The following GNAS variants were observed in gnomAD, a reference collection of about 807,000 sequenced individuals.
GNAS encodes the protein protein ALEX.
In GNAS, 8 loss-of-function variants were observed where a neutral mutation model predicts 54.5. The ratio of observed to expected loss-of-function variants is 0.15; its 90% CI spans 0.09 to 0.26. The LOEUF (loss-of-function observed/expected upper bound fraction) is 0.26, where lower values mean the gene tolerates loss of function less well. Ranked by LOEUF, GNAS falls within the 10% of genes least tolerant of loss-of-function variation. GNAS has a pLI of 1.00. For synonymous variants in GNAS, 204 were observed against 191.4 expected, an observed-to-expected ratio of 1.07 and a Z score of -0.54; for missense variants, 170 against 529.8, an observed-to-expected ratio of 0.32 and a Z score of 6.67.
intron 1 of GNAS, among the ~76,000 whole-genome samples, chr20:58,870,829 C>T (rs757186150): frequency 7.2e-5 from 11 of 152,206 alleles, no homozygotes; most frequent in Non-Finnish European, 1.5e-4. Flanking sequence ...ATGGAACCCA[C>T]ATCCCACACT....
intron 2 of GNAS, chr20:58,898,061 G>C (rs1029711068): frequency 6.6e-6 from 1 of 152,182 alleles, no homozygotes; most frequent in Non-Finnish European, 1.5e-5. Context: ...AAATACAGAG[G>C]TTGGATGCGG....
intron 1 of GNAS, among the ~76,000 whole-genome samples, chr20:58,870,361 C>T (rs1173333836): frequency 6.6e-6 from 1 of 152,230 alleles, no homozygotes; most frequent in African/African-American, 2.4e-5. Context: ...TGAGTGGTGG[C>T]TGAGGGCAGG....
Position 58,898,867 on chromosome 20 carries a change from G to C in GNAS, c.213-74G>C, listed in dbSNP as rs377139552. The C allele has an allele frequency of 1.1e-3, 1,428 of 1,243,686 alleles. 1 individual carries two copies. The highest frequency in any genetic ancestry group is 1.6e-3 in the Non-Finnish European group (1,352 of 841,932). 77.0% of individuals were successfully genotyped at this position (1,243,686 alleles called of 1,614,324 possible). On this transcript the variant is annotated intron_variant, in intron 2 of 12. Transcript: ENST00000371085. ...TCTTGGCTGATGGTTGAGGAATGTAGAGAGACTGTGTGGGGTTTGTGTGAC... is the reference window on the plus strand; with the variant it reads ...TCTTGGCTGATGGTTGAGGAATGTACAGAGACTGTGTGGGGTTTGTGTGAC...
intron 6 of GNAS, among the ~76,000 whole-genome samples, chr20:58,907,739 C>G (rs965147542): frequency 1.3e-5 from 2 of 152,216 alleles, no homozygotes; most frequent in African/African-American, 4.8e-5. Flanking sequence ...AAAAAGAGAA[C>G]AACGCAGCTT....
At chr20:58,902,499 C>G (rs2090705310) in intron 3 of GNAS, among the ~76,000 whole-genome samples, 1 of 152,004 alleles carries the variant, frequency 6.6e-6, no homozygotes, top group African/African-American at 2.4e-5. Context: ...CCATAAAGAC[C>G]ACGCAGGCCA....
In GNAS at chr20:58,909,642, G is replaced by C; in HGVS notation, c.719-42G>C. The C allele has an allele frequency of 6.2e-7, 1 of 1,614,172 alleles. No homozygotes were observed. The highest frequency in any genetic ancestry group is 1.1e-5 in the South Asian group (1 of 91,082). On this transcript the variant is annotated intron_variant, in intron 9 of 12. Coordinates refer to ENST00000371085, the MANE Select transcript of GNAS (RefSeq NM_000516.7). This position sits in a 1 kb window ranked among gnomAD's most constrained non-coding sequence, Gnocchi z 7.3. Reference sequence around the variant, plus strand: ...TTTGCTTCTGTGTTGTTAGGGATCAGGGTCGCTGCTCACGCTCTTGGCTTT... The same window carrying C: ...TTTGCTTCTGTGTTGTTAGGGATCACGGTCGCTGCTCACGCTCTTGGCTTT...
chr20:58,850,453 G>A, intron 1 of GNAS: 1 of 397,802 alleles, frequency 2.5e-6, no homozygotes, highest in Non-Finnish European at 4.4e-6. Context: ...GTGAGCGCGA[G>A]GCCTGACGAA....
chr20:58,850,518 A>G (rs534623373), intron 1 of GNAS: 33 of 398,596 alleles, frequency 8.3e-5, no homozygotes, highest in African/African-American at 6.0e-4. Flanking sequence ...TCCAACCCCA[A>G]TGTCTACTGA....
At chr20:58,893,479 C>T (rs1039881514) in intron 1 of GNAS, among the ~76,000 whole-genome samples, 24 of 152,098 alleles carry the variant, frequency 1.6e-4, no homozygotes, top group Non-Finnish European at 1.5e-4. Context: ...AACAAAACAG[C>T]TTGAGTATAA....
intron 1 of GNAS, chr20:58,876,808 G>T (rs1205843402): frequency 1.3e-5 from 2 of 152,270 alleles, no homozygotes; most frequent in Non-Finnish European, 2.9e-5. Flanking sequence ...TACCATGACA[G>T]TGACTTGTAT....
At chr20:58,900,759 A>C (rs2090533173) in intron 3 of GNAS, among the ~76,000 whole-genome samples, 1 of 152,246 alleles carries the variant, frequency 6.6e-6, no homozygotes, top group African/African-American at 2.4e-5. Flanking sequence ...AAGCAATAGT[A>C]AAAGTGATGA....
chr20:58,839,908 G>C (rs2085655411), upstream of GNAS: 4 of 608,270 alleles, frequency 6.6e-6, no homozygotes, highest in Non-Finnish European at 1.2e-5. Flanking sequence ...AGCAAGGCGC[G>C]GAGCTTTAGA....
upstream of GNAS, among the ~76,000 whole-genome samples, chr20:58,890,377 C>T (rs1030781271): frequency 3.3e-5 from 5 of 151,474 alleles, no homozygotes; most frequent in Non-Finnish European, 7.4e-5. Flanking sequence ...GACACGGACT[C>T]GAGCGACGAG....
chr20:58,854,182 G>A lies in GNAS; in HGVS notation c.43+13296G>A. On this transcript the variant is annotated intron_variant, in intron 1 of 12. Transcript: ENST00000306090. ...AGCAGCCCCTGGATGGAGATCTCCGGACCCCCGTTCGAGATTGGCAGCGCC... is the reference window on the plus strand; with the variant it reads ...AGCAGCCCCTGGATGGAGATCTCCGAACCCCCGTTCGAGATTGGCAGCGCC... 6.2e-7 allele frequency: 1 copy of A among 1,612,942 alleles called. No individual in the cohort carries two copies. The highest frequency in any genetic ancestry group is 1.3e-5 in the African/African-American group (1 of 75,060).
chr20:58,877,866 T>A (rs1468128112), intron 1 of GNAS, among the ~76,000 whole-genome samples: 1 of 152,076 alleles, frequency 6.6e-6, no homozygotes, highest in Non-Finnish European at 1.5e-5. Flanking sequence ...GGGCTGCTAG[T>A]GTTTAGAAAG....
chr20:58,892,326 G>A (rs2089507072), intron 1 of GNAS: 1 of 241,830 alleles, frequency 4.1e-6, no homozygotes, highest in Non-Finnish European at 6.6e-6. Context: ...CGCCTCCGTG[G>A]GGTGTGAGAT....
intron 1 of GNAS, 175 bp downstream of exon 1, chr20:58,892,040 C>T (rs1162677404): frequency 2.3e-6 from 2 of 868,106 alleles, no homozygotes; most frequent in Non-Finnish European, 2.8e-6. Flanking sequence ...GGCGCGGATT[C>T]GGCCGGGCGG....
At chr20:58,888,572 G>A (rs971306863), upstream of GNAS, 1 of 151,942 alleles carries the variant, frequency 6.6e-6, no homozygotes, top group Non-Finnish European at 1.5e-5. Flanking sequence ...CCCAGGCAAG[G>A]CCGCCACCTC....
chr20:58,893,491 GAAAAT>G (rs1362696609), intron 1 of GNAS, among the ~76,000 whole-genome samples: 4 of 152,148 alleles, frequency 2.6e-5, no homozygotes, highest in Non-Finnish European at 1.5e-5. Flanking sequence ...TGAGTATAAA[GAAAAT>G]AATAAAAGGC....
Sources: allele counts gnomAD v4.1 joint callset (sites outside exome capture counted in the v4.1 genomes callset), GRCh38; gene constraint gnomAD v4.1.1; non-coding constraint Gnocchi (gnomAD v3.1); transcripts MANE v1.5; gene names NCBI Gene and HGNC (gene_info 2026-07-23, HGNC 2026-07-21).